Variants in CEP83 observed in about 807,000 individuals in gnomAD.
The protein encoded by CEP83 is centrosomal protein of 83 kDa.
Under a neutral mutation model 101.9 loss-of-function variants are expected in CEP83, and 70 were observed. The ratio of observed to expected loss-of-function variants is 0.69; its 90% confidence interval spans 0.57 to 0.84. The LOEUF (loss-of-function observed/expected upper bound fraction) is 0.84. Ranked by LOEUF, CEP83 falls within the 40% of genes least tolerant of loss-of-function variation. CEP83 has a pLI of 0.00. For synonymous variants in CEP83, 264 were observed against 267.9 expected, an observed-to-expected ratio of 0.99 and a Z score of 0.14; for missense variants, 715 against 787.2, an observed-to-expected ratio of 0.91 and a Z score of 1.10.
chr12:94,423,664 T>C, intron 2 of CEP83: 1 of 1,565,630 alleles, frequency 6.4e-7, no homozygotes, highest in Non-Finnish European at 8.7e-7. Context: ...CATTCCTGGT[T>C]AACCCTCTGG....
intron 2 of CEP83, among the ~76,000 whole-genome samples, chr12:94,419,941 G>C (rs370042388): frequency 1.3e-5 from 2 of 152,122 alleles, no homozygotes; most frequent in Non-Finnish European, 2.9e-5. Flanking sequence ...AAAATAGCAC[G>C]TCTAAAATCT....
intron 2 of CEP83, chr12:94,434,128 T>C (rs2065834720): frequency 6.6e-6 from 1 of 152,212 alleles, no homozygotes; most frequent in African/African-American, 2.4e-5. Flanking sequence ...CCTCATTCTT[T>C]CCTTCAAACA....
intron 6 of CEP83, among the ~76,000 whole-genome samples, chr12:94,393,238 C>T (rs889068071): frequency 5.9e-5 from 9 of 152,168 alleles, no homozygotes; most frequent in African/African-American, 2.2e-4. Flanking sequence ...AAAATACTGG[C>T]AAACCAAATC....
chr12:94,308,732 T>C lies in CEP83; in HGVS notation c.*81A>G. 1 of 933,116 alleles carries C rather than the reference T, an allele frequency of 1.1e-6. No individual in the cohort carries two copies. The highest frequency in any genetic ancestry group is 1.7e-6 in the Non-Finnish European group (1 of 575,144). 57.8% of individuals were successfully genotyped at this position (933,116 alleles called of 1,614,324 possible). ...GTGTTTTGGCAAACAGTAAAAAGTA[T>C]CTAAATGCCACAGGTTAAAATGTCA... On this transcript the variant is annotated 3_prime_UTR_variant, in exon 17 of 17. Coordinates refer to ENST00000397809, the MANE Select transcript of CEP83 (RefSeq NM_016122.3).
chr12:94,291,083 G>C, the CEP83 span, among the ~76,000 whole-genome samples: 1 of 152,226 alleles, frequency 6.6e-6, no homozygotes, highest in African/African-American at 2.4e-5. Context: ...GTGTGGGGGA[G>C]GGGCACTGTA....
the CEP83 span, among the ~76,000 whole-genome samples, chr12:94,284,971 TGA>T: frequency 6.6e-6 from 1 of 151,976 alleles, no homozygotes; most frequent in African/African-American, 2.4e-5. Context: ...GGATTTCTGG[TGA>T]GGATTGGTGC....
At chr12:94,426,309 C>T (rs2065197028) in intron 2 of CEP83, among the ~76,000 whole-genome samples, 1 of 152,102 alleles carries the variant, frequency 6.6e-6, no homozygotes, top group African/African-American at 2.4e-5. Flanking sequence ...GCCTTCAAAA[C>T]CCAGCTCAGG....
intron 14 of CEP83, among the ~76,000 whole-genome samples, chr12:94,317,937 GT>G (rs1379947763): frequency 1.3e-5 from 2 of 152,026 alleles, no homozygotes; most frequent in Non-Finnish European, 2.9e-5. Flanking sequence ...AATTTTAAAA[GT>G]TTTTTTCTAG....
At chr12:94,433,715 T>C (rs187231774) in intron 2 of CEP83, among the ~76,000 whole-genome samples, 4 of 151,390 alleles carry the variant, frequency 2.6e-5, no homozygotes, top group East Asian at 3.9e-4. Flanking sequence ...AAAATTAATT[T>C]GGGGGCAGCA....
the CEP83 span, among the ~76,000 whole-genome samples, chr12:94,276,518 C>T: frequency 2.6e-5 from 4 of 152,264 alleles, no homozygotes; most frequent in East Asian, 5.8e-4. Flanking sequence ...ATGGCATAGC[C>T]GAGGGGTTTG....
At chr12:94,357,523 G>A (rs891675070) in intron 11 of CEP83, among the ~76,000 whole-genome samples, 4 of 152,170 alleles carry the variant, frequency 2.6e-5, no homozygotes, top group South Asian at 2.1e-4. Context: ...TGAGGGAGCC[G>A]TCTCGGGCCC....
chr12:94,317,320 T>C (rs898580847), intron 14 of CEP83, among the ~76,000 whole-genome samples: 10 of 152,174 alleles, frequency 6.6e-5, no homozygotes, highest in Admixed American at 2.0e-4. Flanking sequence ...CTTTGTCAGA[T>C]GCAGATGCAT....
rs1235686031 is a variant in CEP83, at chr12:94,352,376, T to C, written c.1343+15418A>G. Among the ~76,000 whole-genome samples the C allele has an allele frequency of 3.4e-5, 5 of 147,472 alleles. No individual in the cohort carries two copies. In the East Asian group the frequency reaches 9.9e-4, roughly 29 times the overall value. ...CAGAGGTTGCAGTGAGCCAAGATTG[T>C]GCCACTGCACTCCAACCTGGGTGAC... On this transcript the variant is annotated intron_variant, in intron 11 of 16. Coordinates refer to ENST00000397809, the MANE Select transcript of CEP83 (RefSeq NM_016122.3).
intron 11 of CEP83, among the ~76,000 whole-genome samples, chr12:94,337,953 C>T (rs1056677284): frequency 6.6e-6 from 1 of 151,908 alleles, no homozygotes; most frequent in Middle Eastern, 3.2e-3. Flanking sequence ...GTAAGAACAT[C>T]GAACAGTTTC....
At chr12:94,272,172 A>G in the CEP83 span, 1 of 152,120 alleles carries the variant, frequency 6.6e-6, no homozygotes, top group African/African-American at 2.4e-5. Context: ...TCATTCCCAA[A>G]TCAATCAGGA....
chr12:94,360,105 A>T (rs1397419343), intron 11 of CEP83, among the ~76,000 whole-genome samples: 3 of 152,220 alleles, frequency 2.0e-5, no homozygotes, highest in African/African-American at 4.8e-5. Context: ...AAAAAAAATT[A>T]GGTATAAAAG....
chr12:94,450,974 T>C (rs575647746), intron 1 of CEP83, among the ~76,000 whole-genome samples: 3 of 152,322 alleles, frequency 2.0e-5, no homozygotes, highest in South Asian at 4.1e-4. Flanking sequence ...CAGAATAGTG[T>C]TGGAGTAAGG....
In CEP83 at chr12:94,331,697, T is replaced by G. The variant is rs746916089; in HGVS notation, c.1707+3A>C. 5.0e-6 allele frequency: 8 copies of G among 1,613,308 alleles called. No homozygotes were observed. The highest frequency in any genetic ancestry group is 1.3e-5 in the African/African-American group (1 of 74,908). On this transcript the variant is annotated splice_donor_region_variant and intron_variant, in intron 14 of 16. Transcript: ENST00000397809. ...AGAGATCACTTTAATAAGAACCACT[T>G]GCCTTTTTCTGGGCAATTGCAGCTC... is the stretch of plus-strand genomic sequence containing the variant.
the CEP83 span, among the ~76,000 whole-genome samples, chr12:94,286,444 A>G: frequency 5.9e-5 from 9 of 152,104 alleles, no homozygotes; most frequent in Admixed American, 5.9e-4. Flanking sequence ...CGCAGACTCA[A>G]CATTTGGGAG....
Sources: allele counts gnomAD v4.1 joint callset (sites outside exome capture counted in the v4.1 genomes callset), GRCh38; gene constraint gnomAD v4.1.1; transcripts MANE v1.5; gene names NCBI Gene and HGNC (gene_info 2026-07-23, HGNC 2026-07-21).